R3HDM1: variants seen among roughly 807,000 people sequenced by gnomAD.
R3HDM1 encodes R3H domain-containing protein 1.
Under a neutral mutation model 141.1 loss-of-function variants are expected in R3HDM1, and 46 were observed. The observed-to-expected ratio is 0.33, with a 90% CI of 0.26 to 0.42. R3HDM1 has a LOEUF of 0.42. Ranked by LOEUF, R3HDM1 falls within the 10% of genes least tolerant of loss-of-function variation. The pLI is 1.00. For synonymous variants in R3HDM1, 435 were observed against 472.9 expected, an observed-to-expected ratio of 0.92 and a Z score of 1.04; for missense variants, 1,184 against 1,368.3, an observed-to-expected ratio of 0.87 and a Z score of 2.12.
intron 1 of R3HDM1, among the ~76,000 whole-genome samples, chr2:135,594,011 C>T (rs767544564): frequency 1.2e-4 from 18 of 152,302 alleles, no homozygotes; most frequent in Non-Finnish European, 1.8e-4. Context: ...TGAGCCACTG[C>T]GCCTGGCCTT....
intron 1 of R3HDM1, among the ~76,000 whole-genome samples, chr2:135,587,231 G>A (rs1440922737): frequency 6.6e-6 from 1 of 152,082 alleles, no homozygotes; most frequent in Non-Finnish European, 1.5e-5. Flanking sequence ...CATCATGTAG[G>A]TGATACTGAA....
chr2:135,636,790 TAAAA>T (rs150234601), intron 11 of R3HDM1, among the ~76,000 whole-genome samples: 8 of 134,306 alleles, frequency 6.0e-5, no homozygotes, highest in Admixed American at 1.5e-4. Context: ...TCCTCTGTGT[TAAAA>T]AAAAAAAAAA....
Position 135,552,879 on chromosome 2 carries a change from C to CT in R3HDM1, c.-250+21256dup, listed in dbSNP as rs556025953. ...GATAGGTAGTTTGTTGTTAACATTG[C>CT]TTTTTTTTTTCCTCAGAGACAGGCC... is the stretch of plus-strand genomic sequence containing the variant. On this transcript the variant is annotated intron_variant, in intron 1 of 26. Coordinates refer to ENST00000683871, the MANE Select transcript of R3HDM1 (RefSeq NM_001378107.1). Among the ~76,000 whole-genome samples, 740 of 149,246 alleles carry CT rather than the reference C, an allele frequency of 5.0e-3. 3 individuals are homozygous for CT. Among genetic ancestry groups the CT allele is most frequent in the Non-Finnish European group, 7.5e-3 (503 of 67,100 alleles).
chr2:135,622,333 C>T (rs1374204998), intron 6 of R3HDM1: 2 of 984,466 alleles, frequency 2.0e-6, no homozygotes, highest in Admixed American at 1.2e-4. Flanking sequence ...CCCACGGAGG[C>T]ATTTTGAACA....
intron 20 of R3HDM1, among the ~76,000 whole-genome samples, chr2:135,679,869 C>G (rs567921339): frequency 1.3e-5 from 2 of 152,248 alleles, no homozygotes; most frequent in African/African-American, 4.8e-5. Flanking sequence ...CACTTGAGGT[C>G]AGGAGTTTGA....
At chr2:135,626,209 G>GTGTGCTTGCTTGCTTGCTTGCT (rs1553576638) in intron 7 of R3HDM1, among the ~76,000 whole-genome samples, 1 of 143,334 alleles carries the variant, frequency 7.0e-6, no homozygotes, top group African/African-American at 2.9e-5. Flanking sequence ...GCGTGCGTGC[G>GTGTGCTTGCTTGCTTGCTTGCT]TGCTTGCTTG....
chr2:135,638,583 A>G (rs778869943), intron 11 of R3HDM1, 35 bp from the exon 12 acceptor site: 37 of 1,574,004 alleles, frequency 2.4e-5, no homozygotes, highest in Non-Finnish European at 6.1e-6. Flanking sequence ...ATATTTGACA[A>G]AAGCTCAACT....
chr2:135,554,989 G>A (rs1700454632), intron 1 of R3HDM1, among the ~76,000 whole-genome samples: 1 of 152,228 alleles, frequency 6.6e-6, no homozygotes, highest in Admixed American at 6.5e-5. Context: ...CTCCTGCTGT[G>A]ACATACAGTA....
intron 1 of R3HDM1, among the ~76,000 whole-genome samples, chr2:135,567,105 T>C (rs977322138): frequency 1.3e-5 from 2 of 152,152 alleles, no homozygotes; most frequent in Non-Finnish European, 2.9e-5. Flanking sequence ...TGTTTTTAAT[T>C]TAAAAAGTGT....
At position 135,675,510 on chromosome 2, in the gene R3HDM1, T is replaced by G. The variant is rs368896394; in HGVS notation, c.2307+24T>G. On this transcript the variant is annotated intron_variant, in intron 20 of 26. Coordinates refer to ENST00000683871, the MANE Select transcript of R3HDM1 (RefSeq NM_001378107.1). Reference sequence around the variant, plus strand: ...AGGTATATTGTCTCTTTTATGTACTTTGGGTAGAGATGATTTCGAATAAAT... The same window carrying G: ...AGGTATATTGTCTCTTTTATGTACTGTGGGTAGAGATGATTTCGAATAAAT... The G allele has an allele frequency of 3.1e-6, 5 of 1,589,020 alleles. No individual in the cohort carries two copies. In the African/African-American group the frequency reaches 6.7e-5, roughly 21 times the overall value.
At chr2:135,532,532 A>G (rs1171189687) in intron 1 of R3HDM1, among the ~76,000 whole-genome samples, 1 of 151,932 alleles carries the variant, frequency 6.6e-6, no homozygotes, top group Non-Finnish European at 1.5e-5. Flanking sequence ...ATTAGTGAAC[A>G]GCAAATGGTT....
intron 19 of R3HDM1, among the ~76,000 whole-genome samples, chr2:135,674,681 C>T (rs903351613): frequency 6.6e-6 from 1 of 152,138 alleles, no homozygotes; most frequent in Non-Finnish European, 1.5e-5. Context: ...GCTTTGTGAC[C>T]TTGAGCAGAT....
At chr2:135,722,101 C>A in intron 25 of R3HDM1, 95 bp downstream of exon 25, 1 of 1,194,612 alleles carries the variant, frequency 8.4e-7, no homozygotes, top group Non-Finnish European at 1.2e-6. Flanking sequence ...GTTGGCACTG[C>A]CCAAGAAGAG....
chr2:135,548,641 T>C (rs967588252), intron 1 of R3HDM1, among the ~76,000 whole-genome samples: 4 of 151,988 alleles, frequency 2.6e-5, no homozygotes, highest in African/African-American at 9.7e-5. Context: ...CATCATATAT[T>C]TGGCTGTCTA....
intron 21 of R3HDM1, among the ~76,000 whole-genome samples, chr2:135,684,421 G>A (rs932228103): frequency 1.3e-5 from 2 of 152,082 alleles, no homozygotes; most frequent in Non-Finnish European, 2.9e-5. Context: ...AGGCCAGCTT[G>A]CACATGTGTA....
Position 135,710,239 on chromosome 2 carries a change from G to T in R3HDM1, c.2736+8G>T, listed in dbSNP as rs996741740. 3 of 1,605,828 alleles carry T rather than the reference G, an allele frequency of 1.9e-6. No individual in the cohort carries two copies. The highest frequency in any genetic ancestry group is 2.6e-6 in the Non-Finnish European group (3 of 1,174,698). ...GTAGACAATATTGTCCAGGTAAGAT[G>T]GTTTTGTTCATTATCATTTTGAAAC... On this transcript the variant is annotated splice_region_variant and intron_variant, in intron 23 of 26. Transcript: ENST00000683871.
Position 135,631,776 on chromosome 2 carries a change from G to T in R3HDM1, c.556G>T (p.Glu186Ter). The change falls in exon 8 of 27, where the codon GAG becomes TAG. Residue 186 changes from glutamate to a stop codon, truncating the protein, a stop_gained and splice_region_variant. Coordinates refer to ENST00000683871, the MANE Select transcript of R3HDM1 (RefSeq NM_001378107.1). LOFTEE classifies it high-confidence loss of function. ...AATTTTAGATTTCATTGGTAATAAT[G>T]AGTAAGTCCTGACATTCAACAAGAA... ...QEILDFIGNNESPRKKFPPMT... is the reference protein window; with the variant it reads ...QEILDFIGNN 1 of 1,573,322 alleles carries T rather than the reference G, an allele frequency of 6.4e-7. No individual in the cohort carries two copies. Among genetic ancestry groups the T allele is most frequent in the South Asian group, 1.2e-5 (1 of 83,766 alleles).
intron 2 of R3HDM1, among the ~76,000 whole-genome samples, chr2:135,604,134 A>G (rs1007688263): frequency 3.7e-4 from 56 of 152,180 alleles, no homozygotes; most frequent in African/African-American, 1.3e-3. Flanking sequence ...AGAGTTTTCA[A>G]TGCTTTCTTC....
At chr2:135,663,802 G>C (rs978123321) in intron 19 of R3HDM1, among the ~76,000 whole-genome samples, 1 of 152,106 alleles carries the variant, frequency 6.6e-6, no homozygotes, top group African/African-American at 2.4e-5. Flanking sequence ...CAAGGCGGGT[G>C]GATCACCTGA....
Sources: gnomAD v4.1 joint callset for allele counts (sites outside exome capture counted in the v4.1 genomes callset) on GRCh38, gnomAD v4.1.1 for gene constraint, MANE v1.5 for transcripts, NCBI Gene and HGNC (gene_info 2026-07-23, HGNC 2026-07-21) for gene names.